EIF2AK3: variants seen among roughly 807,000 people sequenced by gnomAD.
EIF2AK3 encodes eukaryotic translation initiation factor 2-alpha kinase 3.
Under a neutral mutation model 113.5 loss-of-function variants are expected in EIF2AK3, and 50 were observed. The observed-to-expected ratio is 0.44, with a 90% CI of 0.35 to 0.56. EIF2AK3 has a LOEUF of 0.56. Ranked by LOEUF, EIF2AK3 falls within the 20% of genes least tolerant of loss-of-function variation. The pLI is 0.00. For missense variants in EIF2AK3, 1,185 were observed against 1,378.0 expected, an observed-to-expected ratio of 0.86 and a Z score of 2.22; for synonymous variants, 448 against 495.4, an observed-to-expected ratio of 0.90 and a Z score of 1.27.
Position 88,627,215 on chromosome 2 carries a change from C to G in EIF2AK3, c.60G>C (p.Leu20=), listed in dbSNP as rs949583317. 1 of 481,508 alleles carries G rather than the reference C, an allele frequency of 2.1e-6. No homozygotes were observed. The highest frequency in any genetic ancestry group is 1.3e-4 in the African/African-American group (1 of 7,822). The allele number at this position is 481,508 out of a possible 1,614,324, so 29.8% of individuals were successfully genotyped here. ...CCACCGTCCTTGCCGCGAGCCCCAG[C>G]AGCAGCAGCAGCAGCAGCAGCGCCC... is the stretch of plus-strand genomic sequence containing the variant. The part of the protein sequence containing the change: ...LVRALLLLLL[L]LGLAARTVAA... Residue 20 remains leucine, a synonymous_variant, in exon 1 of 17, where the codon CTG becomes CTC. Coordinates refer to ENST00000303236, the MANE Select transcript of EIF2AK3 (RefSeq NM_004836.7).
At position 88,590,181 on chromosome 2, in the gene EIF2AK3, G is replaced by A. The variant is rs143845254; in HGVS notation, c.1165+262C>T. On this transcript the variant is annotated intron_variant, in intron 6 of 16. Coordinates refer to ENST00000303236, the MANE Select transcript of EIF2AK3 (RefSeq NM_004836.7). ...ACCCAGGAGGCGGAGGTTGCAGTGA[G>A]CAGAGATCATGCCATCACACTCTAG... 1.5e-3 allele frequency among the ~76,000 whole-genome samples: 227 copies of A among 152,262 alleles called. 2 individuals are homozygous for A. The highest frequency in any genetic ancestry group is 5.1e-3 in the African/African-American group (214 of 41,564).
At position 88,593,260 on chromosome 2, in the gene EIF2AK3, C is replaced by G. The variant is rs1324832088; in HGVS notation, c.767+12G>C. On this transcript the variant is annotated intron_variant, in intron 4 of 16. Transcript: ENST00000303236. ...TAAATAATACCAACAGCAACATTAT[C>G]TGAATACACACTTCTCATTGCCACT... 6.2e-7 allele frequency: 1 copy of G among 1,613,992 alleles called. No individual in the cohort carries two copies. The highest frequency in any genetic ancestry group is 1.7e-5 in the Admixed American group (1 of 60,016).
chr2:88,617,931 C>CA (rs1675627623), intron 1 of EIF2AK3, among the ~76,000 whole-genome samples: 1 of 152,168 alleles, frequency 6.6e-6, no homozygotes, highest in African/African-American at 2.4e-5. Context: ...GTAAACCCAA[C>CA]ACTCAGGGAG....
chr2:88,571,383 G>T (rs1206574841), intron 13 of EIF2AK3, among the ~76,000 whole-genome samples: 1 of 152,134 alleles, frequency 6.6e-6, no homozygotes, highest in Non-Finnish European at 1.5e-5. Context: ...ATGACTTAAA[G>T]CCTTAATAAT....
intron 14 of EIF2AK3, among the ~76,000 whole-genome samples, chr2:88,567,976 C>CT (rs988204351): frequency 3.3e-5 from 5 of 151,344 alleles, no homozygotes; most frequent in East Asian, 3.9e-4. Context: ...TTTCTTTTTT[C>CT]TTTTTTTTGA....
chr2:88,627,401 C>A lies in EIF2AK3; in HGVS notation c.-127G>T. On this transcript the variant is annotated 5_prime_UTR_variant, in exon 1 of 17. Transcript: ENST00000303236. ...ACTGCCGCCCCGACGGCCTGGACAGCCAGCCGTGTTCCCCTGGCCACGTCT... is the reference window on the plus strand; with the variant it reads ...ACTGCCGCCCCGACGGCCTGGACAGACAGCCGTGTTCCCCTGGCCACGTCT... The A allele has an allele frequency of 1.7e-6, 2 of 1,195,364 alleles. No homozygotes were observed. Among genetic ancestry groups the A allele is most frequent in the Non-Finnish European group, 2.2e-6 (2 of 927,634 alleles). The allele number at this position is 1,195,364 out of a possible 1,614,324, so 74.0% of individuals were successfully genotyped here.
At chr2:88,579,691 T>C in intron 10 of EIF2AK3, 51 bp from the exon 11 acceptor site, 2 of 1,572,590 alleles carry the variant, frequency 1.3e-6, no homozygotes, top group African/African-American at 2.7e-5. Flanking sequence ...TTAAATTTTG[T>C]GGTAATGTGA....
chr2:88,593,078 G>T (rs1047148132), intron 4 of EIF2AK3, among the ~76,000 whole-genome samples, 194 bp downstream of exon 4: 1 of 152,078 alleles, frequency 6.6e-6, no homozygotes, highest in Non-Finnish European at 1.5e-5. Context: ...GGAGGTGGAG[G>T]TTGCAGTGAG....
intron 12 of EIF2AK3, 66 bp from the exon 13 acceptor site, chr2:88,575,512 C>A (rs992664198): frequency 6.4e-7 from 1 of 1,560,588 alleles, no homozygotes; most frequent in East Asian, 2.2e-5. Flanking sequence ...CTGAACTGCA[C>A]CCTCTGTTTA....
chr2:88,603,580 G>A (rs1675202380), intron 2 of EIF2AK3, among the ~76,000 whole-genome samples: 1 of 152,202 alleles, frequency 6.6e-6, no homozygotes, highest in South Asian at 2.1e-4. Flanking sequence ...AGTAGCAGAT[G>A]CAAAAATCTG....
intron 11 of EIF2AK3, 78 bp downstream of exon 11, chr2:88,579,440 C>T (rs1674542923): frequency 5.1e-6 from 8 of 1,568,808 alleles, no homozygotes; most frequent in Admixed American, 1.7e-5. Flanking sequence ...TTACAGAGTA[C>T]AGTAAGAAGG....
At chr2:88,625,112 T>C (rs1013034375) in intron 1 of EIF2AK3, among the ~76,000 whole-genome samples, 1 of 152,192 alleles carries the variant, frequency 6.6e-6, no homozygotes, top group Admixed American at 6.5e-5. Context: ...GATACTCTCA[T>C]TCAGGGAGTG....
chr2:88,588,773 T>C lies in EIF2AK3; in HGVS notation c.1294A>G (p.Lys432Glu). 6.2e-7 allele frequency: 1 copy of C among 1,613,774 alleles called. No homozygotes were observed. The highest frequency in any genetic ancestry group is 8.5e-7 in the Non-Finnish European group (1 of 1,179,814). The change falls in exon 7 of 17, where the codon AAA becomes GAA. Residue 432 changes from lysine to glutamate, a missense_variant. By Grantham distance (56) the Lys-to-Glu change is moderately conservative (BLOSUM62 1). This residue lies in a region of EIF2AK3 where 877 missense variants were observed against 1,024.2 expected (regional missense o/e 0.86). Coordinates refer to ENST00000303236, the MANE Select transcript of EIF2AK3 (RefSeq NM_004836.7). ...AIIPLPTIKW[K>E]PLIHSPSRTP... is the part of the protein sequence containing the mutation. ...ACAATTCACTTACGAATTAAGGGTT[T>C]CCATTTGATTGTTGGTAAAGGAATA...
At chr2:88,570,235 G>GT (rs766342339) in intron 14 of EIF2AK3, among the ~76,000 whole-genome samples, 117 of 152,302 alleles carry the variant, frequency 7.7e-4, no homozygotes, top group Non-Finnish European at 6.8e-4. Context: ...TTCTACAAGT[G>GT]TAAGTATGTA....
At chr2:88,577,577 T>C (rs964178010) in intron 11 of EIF2AK3, among the ~76,000 whole-genome samples, 2 of 150,022 alleles carry the variant, frequency 1.3e-5, no homozygotes, top group East Asian at 4.0e-4. Context: ...TGAGATTTTG[T>C]CATGTTGGTC....
At chr2:88,595,236 A>AGACACAGT (rs1674990474) in intron 3 of EIF2AK3, among the ~76,000 whole-genome samples, 1 of 149,258 alleles carries the variant, frequency 6.7e-6, no homozygotes. Flanking sequence ...AAAACACCTG[A>AGACACAGT]GACACAGTAG....
chr2:88,571,731 G>A (rs746710070), intron 13 of EIF2AK3, among the ~76,000 whole-genome samples: 4 of 152,162 alleles, frequency 2.6e-5, no homozygotes, highest in Non-Finnish European at 2.9e-5. Context: ...TTTGGTTTGC[G>A]TCTGAGGGGG....
chr2:88,597,034 G>C (rs1363474603), intron 2 of EIF2AK3, among the ~76,000 whole-genome samples: 2 of 152,182 alleles, frequency 1.3e-5, no homozygotes. Context: ...GAATACGAGA[G>C]AAGTAAGAGT....
intron 2 of EIF2AK3, among the ~76,000 whole-genome samples, chr2:88,601,465 A>G (rs1002515318): frequency 6.6e-6 from 1 of 152,214 alleles, no homozygotes; most frequent in Non-Finnish European, 1.5e-5. Context: ...TTGTAAGAAA[A>G]GTTTTATTGG....
Sources: gnomAD v4.1 joint callset for allele counts (sites outside exome capture counted in the v4.1 genomes callset) on GRCh38, gnomAD v4.1.1 for gene constraint, gnomAD v4.1.1 regional missense constraint, MANE v1.5 for transcripts, NCBI Gene and HGNC (gene_info 2026-07-23, HGNC 2026-07-21) for gene names.